RAB8B: variants seen among roughly 807,000 people sequenced by gnomAD.
RAB8B encodes the protein ras-related protein Rab-8B.
In RAB8B, 11 loss-of-function variants were observed where a neutral mutation model predicts 32.0. The ratio of observed to expected loss-of-function variants is 0.34; its 90% CI spans 0.22 to 0.57. RAB8B has a LOEUF of 0.57. Among genes scored for constraint, RAB8B ranks in the 20% least tolerant of loss-of-function variants. RAB8B has a pLI of 0.86. For synonymous variants in RAB8B, 103 were observed against 89.6 expected, an observed-to-expected ratio of 1.15 and a Z score of -0.85; for missense variants, 190 against 258.5, an observed-to-expected ratio of 0.73 and a Z score of 1.82.
At chr15:63,249,603 G>A in intron 2 of RAB8B, 42 bp from the exon 3 acceptor site, 1 of 1,580,882 alleles carries the variant, frequency 6.3e-7, no homozygotes, top group Non-Finnish European at 8.7e-7. Context: ...AGTGATGCTG[G>A]TGATGACTTC....
chr15:63,226,708 G>C (rs778222029), intron 1 of RAB8B, among the ~76,000 whole-genome samples: 11 of 152,164 alleles, frequency 7.2e-5, no homozygotes, highest in Non-Finnish European at 1.6e-4. Flanking sequence ...TTACAGGAAA[G>C]GGGTTCTGAT....
intron 1 of RAB8B, among the ~76,000 whole-genome samples, chr15:63,225,397 A>G (rs550705509): frequency 7.9e-5 from 12 of 152,346 alleles, no homozygotes; most frequent in African/African-American, 2.2e-4. Context: ...TATTGCTGTC[A>G]TATATTTTAA....
intron 1 of RAB8B, among the ~76,000 whole-genome samples, chr15:63,193,880 C>G (rs1595731065): frequency 6.6e-6 from 1 of 152,222 alleles, no homozygotes; most frequent in African/African-American, 2.4e-5. Flanking sequence ...ATAAAGACAA[C>G]TAGGAATGAT....
At chr15:63,236,351 G>A (rs1235271048) in intron 1 of RAB8B, among the ~76,000 whole-genome samples, 1 of 152,062 alleles carries the variant, frequency 6.6e-6, no homozygotes, top group Non-Finnish European at 1.5e-5. Context: ...TATTAATAAG[G>A]AAAGTGGGAC....
intron 1 of RAB8B, among the ~76,000 whole-genome samples, chr15:63,206,185 A>G (rs767496173): frequency 3.3e-5 from 5 of 152,190 alleles, no homozygotes; most frequent in Admixed American, 1.3e-4. Context: ...CTTTTTCTAG[A>G]TGTGAGAGCA....
intron 4 of RAB8B, among the ~76,000 whole-genome samples, chr15:63,256,196 G>T (rs544478419): frequency 2.0e-5 from 3 of 152,114 alleles, no homozygotes; most frequent in Non-Finnish European, 2.9e-5. Flanking sequence ...GGTTCACTCA[G>T]TACCAAGTTT....
intron 1 of RAB8B, among the ~76,000 whole-genome samples, chr15:63,202,614 T>C (rs1214078417): frequency 2.0e-5 from 3 of 152,212 alleles, no homozygotes; most frequent in Non-Finnish European, 4.4e-5. Flanking sequence ...GGACTGTTGG[T>C]TTGTTATGCT....
chr15:63,228,565 C>T (rs1272673637), intron 1 of RAB8B, among the ~76,000 whole-genome samples: 1 of 152,192 alleles, frequency 6.6e-6, no homozygotes, highest in Non-Finnish European at 1.5e-5. Flanking sequence ...TCTTTGTTTC[C>T]CACATGCTGT....
At chr15:63,195,418 G>C (rs1365989350) in intron 1 of RAB8B, among the ~76,000 whole-genome samples, 1 of 152,216 alleles carries the variant, frequency 6.6e-6, no homozygotes, top group African/African-American at 2.4e-5. Flanking sequence ...CTTTAATGAA[G>C]AGCTTCACCA....
rs538134784 is a variant in RAB8B at position 63,224,607 on chromosome 15, A to G, written c.125-20149A>G. On this transcript the variant is annotated intron_variant, in intron 1 of 7. Coordinates refer to ENST00000321437, the MANE Select transcript of RAB8B (RefSeq NM_016530.3). Reference sequence around the variant, plus strand: ...TTCTCTAGTTTGCCAGGATGATCAGATCTATTTCAGATTAATCTAGAAATA... The same window carrying G: ...TTCTCTAGTTTGCCAGGATGATCAGGTCTATTTCAGATTAATCTAGAAATA... 5.3e-4 allele frequency among the ~76,000 whole-genome samples: 81 copies of G among 152,340 alleles called. 1 individual carries two copies. In the South Asian group the frequency reaches 0.012, roughly 22 times the overall value.
intron 1 of RAB8B, among the ~76,000 whole-genome samples, chr15:63,218,002 T>A (rs1163150477): frequency 2.0e-5 from 3 of 152,184 alleles, no homozygotes; most frequent in Non-Finnish European, 4.4e-5. Flanking sequence ...TGAAATAATG[T>A]CTTTCTTATT....
At chr15:63,204,264 T>C (rs1345608547) in intron 1 of RAB8B, among the ~76,000 whole-genome samples, 1 of 152,184 alleles carries the variant, frequency 6.6e-6, no homozygotes, top group African/African-American at 2.4e-5. Context: ...GAAATATTTG[T>C]CTTTAAATTC....
At chr15:63,255,144 T>G (rs2038149224) in intron 3 of RAB8B, among the ~76,000 whole-genome samples, 1 of 152,086 alleles carries the variant, frequency 6.6e-6, no homozygotes, top group Non-Finnish European at 1.5e-5. Flanking sequence ...AAGTGCACAG[T>G]GGAAGTGATT....
chr15:63,217,439 G>A (rs949596999), intron 1 of RAB8B, among the ~76,000 whole-genome samples: 1 of 152,134 alleles, frequency 6.6e-6, no homozygotes, highest in East Asian at 1.9e-4. Flanking sequence ...CCATGTTTTT[G>A]GGTCAGTGAG....
intron 1 of RAB8B, among the ~76,000 whole-genome samples, chr15:63,223,356 C>T (rs1276652202): frequency 1.3e-5 from 2 of 152,188 alleles, no homozygotes; most frequent in Non-Finnish European, 2.9e-5. Context: ...AGGTGATCCA[C>T]TTGCCTCGGC....
chr15:63,258,465 A>G (rs937817480), intron 5 of RAB8B, among the ~76,000 whole-genome samples: 1 of 152,244 alleles, frequency 6.6e-6, no homozygotes, highest in African/African-American at 2.4e-5. Context: ...GGAGTGAATG[A>G]ATCCCAAGAT....
In RAB8B at chr15:63,248,849, A is replaced by G. The variant is rs2038092079; in HGVS notation, c.186-796A>G. Among the ~76,000 whole-genome samples the G allele has an allele frequency of 1.3e-5, 2 of 152,190 alleles. No homozygotes were observed. Among genetic ancestry groups the G allele is most frequent in the African/African-American group, 4.8e-5 (2 of 41,446 alleles). ...TCTCCTGCAATTAAATTGTCTTAGTAGCACAGGGAATGAATTAGTTCTGGC... is the reference window on the plus strand; with the variant it reads ...TCTCCTGCAATTAAATTGTCTTAGTGGCACAGGGAATGAATTAGTTCTGGC... On this transcript the variant is annotated intron_variant, in intron 2 of 7. Transcript: ENST00000321437. The surrounding 1 kb of genome is among the most constrained non-coding windows in gnomAD (Gnocchi z 4.4).
intron 1 of RAB8B, among the ~76,000 whole-genome samples, chr15:63,228,014 C>T (rs1324857904): frequency 6.8e-6 from 1 of 146,156 alleles, no homozygotes; most frequent in East Asian, 2.0e-4. Flanking sequence ...TCTTCCTTTC[C>T]TTTCTCTTTC....
chr15:63,245,187 A>G (rs1478707554), intron 2 of RAB8B, among the ~76,000 whole-genome samples: 1 of 152,228 alleles, frequency 6.6e-6, no homozygotes, highest in African/African-American at 2.4e-5. Context: ...GGAAGTACAG[A>G]TCTAGGTTCT....
Sources: gnomAD v4.1 joint callset for allele counts (sites outside exome capture counted in the v4.1 genomes callset) on GRCh38, gnomAD v4.1.1 for gene constraint, Gnocchi (gnomAD v3.1) non-coding constraint, MANE v1.5 for transcripts, NCBI Gene and HGNC (gene_info 2026-07-23, HGNC 2026-07-21) for gene names.